RASGRF1: variants seen among roughly 807,000 people sequenced by gnomAD.
The protein encoded by RASGRF1 is Ras protein specific guanine nucleotide releasing factor 1.
Under a neutral mutation model 138.7 loss-of-function variants are expected in RASGRF1, and 40 were observed. The observed-to-expected ratio is 0.29, with a 90% CI of 0.22 to 0.38. The LOEUF is 0.38. Ranked by LOEUF, RASGRF1 falls within the 10% of genes least tolerant of loss-of-function variation. RASGRF1 has a pLI of 1.00. For synonymous variants in RASGRF1, 614 were observed against 663.2 expected, an observed-to-expected ratio of 0.93 and a Z score of 1.14; for missense variants, 1,108 against 1,650.4, an observed-to-expected ratio of 0.67 and a Z score of 5.69.
intron 1 of RASGRF1, among the ~76,000 whole-genome samples, chr15:79,074,005 G>T (rs1423825403): frequency 6.6e-6 from 1 of 152,214 alleles, no homozygotes; most frequent in Non-Finnish European, 1.5e-5. Flanking sequence ...GTCTTGCTGG[G>T]TGCCACCAGT....
At chr15:79,024,378 CTATACACAAATACACACATCA>C (rs1159506420) in intron 10 of RASGRF1, among the ~76,000 whole-genome samples, 1 of 151,874 alleles carries the variant, frequency 6.6e-6, no homozygotes, top group Non-Finnish European at 1.5e-5. Flanking sequence ...CATACACACA[CTATACACAAATACACACATCA>C]TATACACAAA....
chr15:78,962,800 T>A (rs1007352122), intron 26 of RASGRF1, among the ~76,000 whole-genome samples: 1 of 152,200 alleles, frequency 6.6e-6, no homozygotes, highest in Non-Finnish European at 1.5e-5. Context: ...GCAGGATCAC[T>A]TGAGCCCAGG....
chr15:78,969,537 C>T (rs2055709501), intron 26 of RASGRF1, among the ~76,000 whole-genome samples: 1 of 152,092 alleles, frequency 6.6e-6, no homozygotes. Flanking sequence ...GGCGTGGTGG[C>T]TCACACCTGT....
At chr15:79,048,419 G>A (rs1157855864) in intron 4 of RASGRF1, among the ~76,000 whole-genome samples, 2 of 152,156 alleles carry the variant, frequency 1.3e-5, no homozygotes, top group African/African-American at 4.8e-5. Context: ...ATGTTACTCT[G>A]TAAATACTTA....
At chr15:78,976,584 A>ACACACC (rs145374777) in intron 24 of RASGRF1, among the ~76,000 whole-genome samples, 3,866 of 151,528 alleles carry the variant, frequency 0.026, 158 homozygotes, top group African/African-American at 0.078. Context: ...ACACACACAC[A>ACACACC]CCCATCCGAA....
intron 1 of RASGRF1, among the ~76,000 whole-genome samples, chr15:79,088,606 A>T (rs566533254): frequency 7.5e-4 from 114 of 151,972 alleles, no homozygotes; most frequent in African/African-American, 2.7e-3. Context: ...CCTACCCAGG[A>T]GCTCAGCTCT....
chr15:79,089,369 C>G (rs2058021849), intron 1 of RASGRF1, among the ~76,000 whole-genome samples: 1 of 152,250 alleles, frequency 6.6e-6, no homozygotes, highest in South Asian at 2.1e-4. Context: ...AGGTGCCCCT[C>G]CTCCCTTCAC....
At chr15:79,059,142 C>A (rs1203047400) in intron 2 of RASGRF1, among the ~76,000 whole-genome samples, 1 of 151,936 alleles carries the variant, frequency 6.6e-6, no homozygotes, top group Non-Finnish European at 1.5e-5. Context: ...TTCCTCCTTT[C>A]TTTTCCCTTC....
rs1456526327 is a variant in RASGRF1, at chr15:78,984,998, T to G, written c.3414+9A>C. 1.2e-6 allele frequency: 2 copies of G among 1,613,386 alleles called. No homozygotes were observed. On this transcript the variant is annotated intron_variant, in intron 23 of 26. Transcript: ENST00000558480. ...CAGGGAGGCAGTGGTGCCAGCCTCC[T>G]GCCCGCACCTGCTTAGAGACTTTGA... is the stretch of plus-strand genomic sequence containing the variant.
Position 78,973,273 on chromosome 15 carries a change from C to T in RASGRF1, c.3612+30G>A. ...TGAGTCATCTGGGCTTCAACGCCCC[C>T]CTTCCCCTGCCTGGCTGGGGGGAAC... On this transcript the variant is annotated intron_variant, in intron 25 of 26. Coordinates refer to ENST00000558480, the MANE Select transcript of RASGRF1 (RefSeq NM_001145648.3). The surrounding 1 kb of genome is among the most constrained non-coding windows in gnomAD (Gnocchi z 4.9). 1.3e-6 allele frequency: 2 copies of T among 1,541,068 alleles called. No homozygotes were observed. The highest frequency in any genetic ancestry group is 1.8e-6 in the Non-Finnish European group (2 of 1,122,990).
chr15:79,027,695 G>A lies in RASGRF1; in HGVS notation c.1381+46C>T. On this transcript the variant is annotated intron_variant, in intron 9 of 26. Transcript: ENST00000558480. This position sits in a 1 kb window ranked among gnomAD's most constrained non-coding sequence, Gnocchi z 4.8. The stretch of plus-strand genomic sequence containing the variant: ...GAGTGCCGCCTCCCTCCCGCTGCTG[G>A]GGCCCACCTGGTGGGGGCAGGGGAG... The A allele has an allele frequency of 6.4e-7, 1 of 1,571,508 alleles. No homozygotes were observed. Among genetic ancestry groups the A allele is most frequent in the Non-Finnish European group, 8.7e-7 (1 of 1,144,788 alleles).
In RASGRF1 at chr15:79,040,359, T is replaced by C. The variant is rs77567539; in HGVS notation, c.879-5149A>G. On this transcript the variant is annotated intron_variant, in intron 5 of 26. Transcript: ENST00000558480. ...GTCAGTGGGCCCCTAACTGGTCTTT[T>C]GCTTCCACTCTTGCCCCTGGTCCAC... is the stretch of plus-strand genomic sequence containing the variant. 3.4e-3 allele frequency among the ~76,000 whole-genome samples: 511 copies of C among 152,356 alleles called. 1 individual carries two copies. Among genetic ancestry groups the C allele is most frequent in the Non-Finnish European group, 5.3e-3 (363 of 68,036 alleles).
chr15:78,979,147 C>G, intron 24 of RASGRF1: 1 of 1,289,490 alleles, frequency 7.8e-7, no homozygotes, highest in Non-Finnish European at 1.0e-6. Flanking sequence ...TCCACAGGGG[C>G]TCTCGGGAGC....
Position 78,960,757 on chromosome 15 carries a change from C to T in RASGRF1, c.*1387G>A, listed in dbSNP as rs563236824. 1.2e-4 allele frequency: 18 copies of T among 152,240 alleles called. No individual in the cohort carries two copies. Among genetic ancestry groups the T allele is most frequent in the African/African-American group, 3.9e-4 (16 of 41,534 alleles). 9.4% of individuals were successfully genotyped at this position (152,240 alleles called of 1,614,324 possible). A position where few individuals can be genotyped will look rare whatever the true frequency, so the allele number is the denominator to read the frequency against. Reference sequence around the variant, plus strand: ...TTCTTGGTGCAATAGGCAACTGAAACAGTCTTCCCCACCAAACTGTTGGTG... The same window carrying T: ...TTCTTGGTGCAATAGGCAACTGAAATAGTCTTCCCCACCAAACTGTTGGTG... On this transcript the variant is annotated 3_prime_UTR_variant, in exon 27 of 27. Coordinates refer to ENST00000558480, the MANE Select transcript of RASGRF1 (RefSeq NM_001145648.3).
chr15:79,090,558 G>T lies in RASGRF1; in HGVS notation c.-60C>A, dbSNP rs1039297618. On this transcript the variant is annotated 5_prime_UTR_variant, in exon 1 of 27. Coordinates refer to ENST00000558480, the MANE Select transcript of RASGRF1 (RefSeq NM_001145648.3). ...CATCTTCTCCGCGCAGCAGCCCCCCGTCCGTGCGCGCTGCGCGCTGCCTCT... is the reference window on the plus strand; with the variant it reads ...CATCTTCTCCGCGCAGCAGCCCCCCTTCCGTGCGCGCTGCGCGCTGCCTCT... 25 of 1,575,334 alleles carry T rather than the reference G, an allele frequency of 1.6e-5. No individual in the cohort carries two copies. The highest frequency in any genetic ancestry group is 2.2e-5 in the Non-Finnish European group (25 of 1,162,740).
Position 79,090,591 on chromosome 15 carries a change from G to T in RASGRF1, c.-93C>A. On this transcript the variant is annotated 5_prime_UTR_variant, in exon 1 of 27. Coordinates refer to ENST00000558480, the MANE Select transcript of RASGRF1 (RefSeq NM_001145648.3). ...GCGCTGCGCGCTGCCTCTCTCTGGC[G>T]CTCGCTCGCTCGCTCCCTCTAGCTC... 2.0e-6 allele frequency: 3 copies of T among 1,507,818 alleles called. No individual in the cohort carries two copies. Among genetic ancestry groups the T allele is most frequent in the Admixed American group, 1.8e-5 (1 of 56,114 alleles). The allele number at this position is 1,507,818 out of a possible 1,614,324, so 93.4% of individuals were successfully genotyped here.
chr15:78,984,960 C>T (rs775671704), intron 23 of RASGRF1, 47 bp downstream of exon 23: 2 of 1,585,786 alleles, frequency 1.3e-6, no homozygotes, highest in African/African-American at 2.7e-5. Context: ...CTGCCCTAGC[C>T]CCAATCCAGC....
chr15:79,017,796 C>T lies in RASGRF1; in HGVS notation c.1717G>A (p.Ala573Thr). 1 of 1,611,698 alleles carries T rather than the reference C, an allele frequency of 6.2e-7. No homozygotes were observed. The highest frequency in any genetic ancestry group is 8.5e-7 in the Non-Finnish European group (1 of 1,179,252). ...ILVASSRQEK[A>T]AWTSDISQCV... ...TGGCTGATGTCACTGGTCCACGCTG[C>T]CTTCTCCTGTCTGGACGAGGCCACT... Residue 573 changes from alanine (A) to threonine (T), a missense_variant, in exon 12 of 27, where the codon GCA becomes ACA. Around this residue, in one of 3 missense-constraint regions of RASGRF1, gnomAD observed 686 missense variants for 976.7 expected, o/e 0.70. Coordinates refer to ENST00000558480, the MANE Select transcript of RASGRF1 (RefSeq NM_001145648.3).
chr15:79,056,185 T>C lies in RASGRF1; in HGVS notation c.531+2149A>G, dbSNP rs369290505. ...TGTGCAAAGGCCAGGAGGCGGATAG[T>C]GCACTGGTGCCCACAGTGACTGAAG... On this transcript the variant is annotated intron_variant, in intron 3 of 26. Transcript: ENST00000558480. Among the ~76,000 whole-genome samples the C allele has an allele frequency of 4.6e-5, 7 of 152,212 alleles. No homozygotes were observed. The East Asian group carries it at 1.2e-3, about 25-fold the overall frequency.
Sources: gnomAD v4.1 joint callset for allele counts (sites outside exome capture counted in the v4.1 genomes callset) on GRCh38, gnomAD v4.1.1 for gene constraint, gnomAD v4.1.1 regional missense constraint, Gnocchi (gnomAD v3.1) non-coding constraint, MANE v1.5 for transcripts, NCBI Gene and HGNC (gene_info 2026-07-23, HGNC 2026-07-21) for gene names.